Variants in NALCN observed in about 807,000 individuals in gnomAD.
The protein encoded by NALCN is sodium leak channel, non-selective.
Under a neutral mutation model 225.3 loss-of-function variants are expected in NALCN, and 111 were observed. The observed-to-expected ratio is 0.49, with a 90% CI of 0.42 to 0.58. The LOEUF (loss-of-function observed/expected upper bound fraction) is 0.58, where lower values mean the gene tolerates loss of function less well. Ranked by LOEUF, NALCN falls within the 20% of genes least tolerant of loss-of-function variation. NALCN has a pLI of 0.00. For synonymous variants in NALCN, 764 were observed against 769.0 expected (o/e 0.99, Z 0.11); for missense variants, 1,378 against 2,202.4 (o/e 0.63, Z 7.49).
chr13:101,362,158 C>T (rs1044850307), intron 6 of NALCN, among the ~76,000 whole-genome samples: 6 of 151,702 alleles, frequency 4.0e-5, no homozygotes, highest in African/African-American at 9.7e-5. Flanking sequence ...TAGATGAAGT[C>T]GAATCCCATG....
At chr13:101,248,613 C>T (rs147552335) in intron 11 of NALCN, among the ~76,000 whole-genome samples, 95 of 152,296 alleles carry the variant, frequency 6.2e-4, no homozygotes, top group Non-Finnish European at 1.1e-3. Context: ...CAGCACAAAG[C>T]TCAGGTGAGC....
intron 13 of NALCN, among the ~76,000 whole-genome samples, chr13:101,198,940 A>G (rs1594417971): frequency 6.6e-6 from 1 of 152,236 alleles, no homozygotes; most frequent in East Asian, 1.9e-4. Flanking sequence ...GCACATATAC[A>G]CCATAGAATA....
rs1594179043 is a variant in NALCN, at chr13:101,089,118, G to C, written c.3489+545C>G. ...TCACTATGTTGGCCAGGCTGGTCTT[G>C]AACTCCTGACCTCAAGTGATCCACC... On this transcript the variant is annotated intron_variant, in intron 30 of 43. Transcript: ENST00000251127. The surrounding 1 kb of genome is among the most constrained non-coding windows in gnomAD (Gnocchi z 4.7). 1.3e-5 allele frequency among the ~76,000 whole-genome samples: 2 copies of C among 152,022 alleles called. No individual in the cohort carries two copies. Among genetic ancestry groups the C allele is most frequent in the South Asian group, 4.1e-4 (2 of 4,820 alleles).
In NALCN at chr13:101,243,028, G is replaced by A. The variant is rs548681467; in HGVS notation, c.1267-5106C>T. Among the ~76,000 whole-genome samples the A allele has an allele frequency of 1.9e-5, 2 of 103,202 alleles. 1 individual carries two copies. Among genetic ancestry groups the A allele is most frequent in the Non-Finnish European group, 4.3e-5 (2 of 46,624 alleles). The allele number at this position is 103,202 out of a possible 152,430, so 67.7% of individuals were successfully genotyped here. A position where few individuals can be genotyped will look rare whatever the true frequency, so the allele number is the denominator to read the frequency against. ...ACCTAGGAAGGTCACCAGGACATGA[G>A]TAAGCATCTATTTTCATTTAATCTC... On this transcript the variant is annotated intron_variant, in intron 11 of 43. Coordinates refer to ENST00000251127, the MANE Select transcript of NALCN (RefSeq NM_052867.4).
At chr13:101,194,378 T>C (rs967090223) in intron 13 of NALCN, among the ~76,000 whole-genome samples, 1 of 152,204 alleles carries the variant, frequency 6.6e-6, no homozygotes, top group African/African-American at 2.4e-5. Context: ...CTGAAATGAA[T>C]AAACCAATGA....
At chr13:101,082,621 A>T (rs1415193629) in intron 33 of NALCN, among the ~76,000 whole-genome samples, 188 bp downstream of exon 33, 2 of 152,256 alleles carry the variant, frequency 1.3e-5, no homozygotes, top group East Asian at 3.8e-4. Flanking sequence ...TGTAGTTAGA[A>T]AAATCTGATG....
chr13:101,388,711 T>G (rs1212874863), intron 3 of NALCN, among the ~76,000 whole-genome samples: 4 of 152,254 alleles, frequency 2.6e-5, no homozygotes, highest in Non-Finnish European at 4.4e-5. Context: ...ATCATTTTAG[T>G]GATGTGAAAT....
At position 101,219,023 on chromosome 13, in the gene NALCN, C is replaced by T. The variant is rs191376152; in HGVS notation, c.1626+10370G>A. On this transcript the variant is annotated intron_variant, in intron 13 of 43. Transcript: ENST00000251127. Reference sequence around the variant, plus strand: ...TCAGGCATACTGGATTAGGGTCCACCCTGATTACTTCATTTTAACTTGATT... The same window carrying T: ...TCAGGCATACTGGATTAGGGTCCACTCTGATTACTTCATTTTAACTTGATT... Among the ~76,000 whole-genome samples the T allele has an allele frequency of 2.2e-3, 333 of 152,100 alleles. 1 individual carries two copies. Among genetic ancestry groups the T allele is most frequent in the Middle Eastern group, 0.01 (3 of 294 alleles).
At chr13:101,252,909 C>CT (rs1566488452) in intron 11 of NALCN, among the ~76,000 whole-genome samples, 2 of 152,030 alleles carry the variant, frequency 1.3e-5, no homozygotes, top group East Asian at 3.9e-4. Flanking sequence ...GAAGATAAAG[C>CT]TTTTAATCTC....
chr13:101,142,830 AG>A (rs1361672962), intron 17 of NALCN: 1 of 457,712 alleles, frequency 2.2e-6, no homozygotes, highest in African/African-American at 2.0e-5. Flanking sequence ...CAGATTTGGG[AG>A]GCTCTTGATG....
chr13:101,139,296 T>G (rs1305039384), intron 17 of NALCN, among the ~76,000 whole-genome samples: 1 of 152,192 alleles, frequency 6.6e-6, no homozygotes, highest in Admixed American at 6.5e-5. Context: ...TCTGCAATGC[T>G]TCATCAAACC....
intron 6 of NALCN, among the ~76,000 whole-genome samples, chr13:101,361,641 T>C (rs947489866): frequency 2.0e-5 from 3 of 152,178 alleles, no homozygotes; most frequent in South Asian, 2.1e-4. Context: ...TATTTAACTT[T>C]ACTCAGCTTC....
At chr13:101,069,799 C>T (rs766736528) in intron 37 of NALCN, among the ~76,000 whole-genome samples, 1 of 152,188 alleles carries the variant, frequency 6.6e-6, no homozygotes, top group Admixed American at 6.5e-5. Context: ...AGAGTAGATT[C>T]CATTTCAAGA....
intron 16 of NALCN, 133 bp from the exon 17 acceptor site, chr13:101,143,354 A>G (rs1165572658): frequency 2.4e-6 from 2 of 832,786 alleles, no homozygotes; most frequent in East Asian, 2.9e-5. Flanking sequence ...GATCATGACT[A>G]AAATATTTCA....
chr13:101,270,391 T>C (rs2042737584), intron 10 of NALCN, among the ~76,000 whole-genome samples: 1 of 152,230 alleles, frequency 6.6e-6, no homozygotes, highest in Admixed American at 6.5e-5. Flanking sequence ...TGTTCATCTT[T>C]TATTTTTAGT....
At chr13:101,195,135 G>C (rs1452005849) in intron 13 of NALCN, among the ~76,000 whole-genome samples, 2 of 152,164 alleles carry the variant, frequency 1.3e-5, no homozygotes, top group African/African-American at 2.4e-5. Context: ...AACAGTTTTG[G>C]GAAAATGAAG....
intron 35 of NALCN, among the ~76,000 whole-genome samples, chr13:101,075,521 T>G (rs2033197180): frequency 6.6e-6 from 1 of 151,690 alleles, no homozygotes; most frequent in Admixed American, 6.6e-5. Context: ...TTATTTTTCT[T>G]TGAAGTTACT....
chr13:101,296,013 G>A lies in NALCN; in HGVS notation c.800-3647C>T, dbSNP rs138604733. ...ACTTCTTTTGCACAGTCCCGCTCTC[G>A]CTGCTGGCCCTGCACTGCTTCCCTC... On this transcript the variant is annotated intron_variant, in intron 7 of 43. Transcript: ENST00000251127. 5.6e-3 allele frequency among the ~76,000 whole-genome samples: 852 copies of A among 152,260 alleles called. 6 individuals carry two copies. Among genetic ancestry groups the A allele is most frequent in the African/African-American group, 0.018 (766 of 41,556 alleles).
At chr13:101,101,258 C>CAT (rs1199954966) in intron 26 of NALCN, among the ~76,000 whole-genome samples, 2 of 144,552 alleles carry the variant, frequency 1.4e-5, no homozygotes, top group Non-Finnish European at 3.0e-5. Flanking sequence ...CCCAAATGGA[C>CAT]ATATATATAT....
Sources: gnomAD v4.1 joint callset for allele counts (sites outside exome capture counted in the v4.1 genomes callset) on GRCh38, gnomAD v4.1.1 for gene constraint, Gnocchi (gnomAD v3.1) non-coding constraint, MANE v1.5 for transcripts, NCBI Gene and HGNC (gene_info 2026-07-23, HGNC 2026-07-21) for gene names.